The following CNKSR2 variants were observed in gnomAD, a reference collection of about 807,000 sequenced individuals.
CNKSR2 encodes the protein CNK homolog protein 2.
Under a neutral mutation model 84.4 loss-of-function variants are expected in CNKSR2, and 14 were observed. That is an observed-to-expected ratio of 0.17 (90% CI 0.11 to 0.26). The LOEUF (loss-of-function observed/expected upper bound fraction) is 0.26. CNKSR2 is among the 10% of genes least tolerant of loss of function. CNKSR2 has a pLI of 1.00. For synonymous variants in CNKSR2, 275 were observed against 277.9 expected (o/e 0.99, Z 0.10); for missense variants, 485 against 771.2 (o/e 0.63, Z 4.40).
intron 5 of CNKSR2, among the ~76,000 whole-genome samples, chrX:21,483,794 G>C (rs2147170867): frequency 9.1e-6 from 1 of 109,521 alleles, no homozygotes; most frequent in African/African-American, 3.3e-5. Context: ...AATCTGTCAA[G>C]TACTAAGATA....
chrX:21,418,779 C>G (rs1328380875), intron 1 of CNKSR2, among the ~76,000 whole-genome samples: 1 of 111,482 alleles, frequency 9.0e-6, no homozygotes, highest in South Asian at 3.7e-4. Context: ...TTAAAAGACT[C>G]TGATGCATTT....
At chrX:21,637,252 G>A (rs781219810) in intron 20 of CNKSR2, 29 of 111,591 alleles carry the variant, frequency 2.6e-4, no homozygotes, top group African/African-American at 8.8e-4. Flanking sequence ...AATACTCCAT[G>A]TCTTGTGATT....
chrX:21,617,859 G>T (rs1193086845), intron 20 of CNKSR2, among the ~76,000 whole-genome samples: 2 of 108,745 alleles, frequency 1.8e-5, no homozygotes, highest in East Asian at 5.9e-4. Flanking sequence ...AGAAAGAAAT[G>T]GCATTGGCTG....
chrX:21,536,764 T>G (rs1409365364), intron 11 of CNKSR2, among the ~76,000 whole-genome samples: 1 of 109,928 alleles, frequency 9.1e-6, no homozygotes, highest in African/African-American at 3.3e-5. Context: ...GTTCTTAGTC[T>G]GGCTAATAAT....
intron 9 of CNKSR2, among the ~76,000 whole-genome samples, chrX:21,520,522 T>A (rs1320662785): frequency 9.1e-6 from 1 of 110,461 alleles, no homozygotes; most frequent in Non-Finnish European, 1.9e-5. Flanking sequence ...AGGTATATTT[T>A]TAGATGTTTG....
chrX:21,571,269 G>A (rs2092282015), intron 13 of CNKSR2, among the ~76,000 whole-genome samples: 1 of 112,084 alleles, frequency 8.9e-6, no homozygotes, highest in Admixed American at 9.4e-5. Context: ...AATATTGTGA[G>A]AATTACCAAA....
chrX:21,637,766 A>C (rs982976380), intron 20 of CNKSR2, among the ~76,000 whole-genome samples: 2 of 111,847 alleles, frequency 1.8e-5, no homozygotes, highest in African/African-American at 6.5e-5. Flanking sequence ...TTGTTTTTGA[A>C]AAAGAAAAAC....
At position 21,374,722 on chromosome X, in the gene CNKSR2, G is replaced by C. The variant is rs1165841021; in HGVS notation, c.-176G>C. The C allele has an allele frequency of 2.0e-6, 1 of 510,373 alleles. No homozygotes were observed. Among genetic ancestry groups the C allele is most frequent in the Non-Finnish European group, 3.5e-6 (1 of 282,994 alleles). 42.1% of individuals were successfully genotyped at this position (510,373 alleles called of 1,213,427 possible). A position where few individuals can be genotyped will look rare whatever the true frequency, so the allele number is the denominator to read the frequency against. Reference sequence around the variant, plus strand: ...TTACCTCCCTGTCGCCGTTCCTGCCGGCGGTTGGCTAAAAGACGTTACAGC... The same window carrying C: ...TTACCTCCCTGTCGCCGTTCCTGCCCGCGGTTGGCTAAAAGACGTTACAGC... On this transcript the variant is annotated 5_prime_UTR_variant, in exon 1 of 22. Coordinates refer to ENST00000379510, the MANE Select transcript of CNKSR2 (RefSeq NM_014927.5).
At chrX:21,490,437 A>G (rs1021098364) in intron 5 of CNKSR2, 22 bp from the exon 6 acceptor site, 16 of 1,187,578 alleles carry the variant, frequency 1.3e-5, no homozygotes, top group Non-Finnish European at 1.7e-5. Flanking sequence ...TACCACAACT[A>G]TTTTTGTTTT....
intron 7 of CNKSR2, among the ~76,000 whole-genome samples, chrX:21,501,314 TTTTC>T (rs201808981): frequency 0.023 from 2,587 of 110,648 alleles, 35 homozygotes; most frequent in Non-Finnish European, 0.037. Context: ...TTATTAATTT[TTTTC>T]TTTCTATGTT....
Position 21,374,666 on chromosome X carries a change from G to T in CNKSR2, c.-232G>T. ...CCGCCGCCTTAGCGGGAACTGAGCA[G>T]ACCCGGCGCGGAGCCACGACTCCTG... On this transcript the variant is annotated 5_prime_UTR_variant, in exon 1 of 22. Transcript: ENST00000379510. 1 of 513,649 alleles carries T rather than the reference G, an allele frequency of 1.9e-6. No individual in the cohort carries two copies. The highest frequency in any genetic ancestry group is 3.5e-6 in the Non-Finnish European group (1 of 289,601). The allele number at this position is 513,649 out of a possible 1,213,427, so 42.3% of individuals were successfully genotyped here. A position where few individuals can be genotyped will look rare whatever the true frequency, so the allele number is the denominator to read the frequency against.
At chrX:21,400,370 TAAAAA>T (rs907280085) in intron 1 of CNKSR2, among the ~76,000 whole-genome samples, 1 of 110,951 alleles carries the variant, frequency 9.0e-6, no homozygotes, top group Non-Finnish European at 1.9e-5. Context: ...TTCTGATCAT[TAAAAA>T]AAGTCATACT....
At chrX:21,564,303 T>C (rs1024531947) in intron 13 of CNKSR2, among the ~76,000 whole-genome samples, 9 of 111,642 alleles carry the variant, frequency 8.1e-5, no homozygotes, top group African/African-American at 2.6e-4. Context: ...ACTTGCGTGA[T>C]CAAATCGGCC....
At chrX:21,377,536 G>T (rs984857848) in intron 1 of CNKSR2, among the ~76,000 whole-genome samples, 2 of 112,041 alleles carry the variant, frequency 1.8e-5, no homozygotes, top group African/African-American at 6.5e-5. Flanking sequence ...CAACTGCAAT[G>T]TGGGAGTTCT....
At chrX:21,553,577 A>G (rs1039012182) in intron 11 of CNKSR2, among the ~76,000 whole-genome samples, 2 of 110,195 alleles carry the variant, frequency 1.8e-5, no homozygotes, top group African/African-American at 6.6e-5. Context: ...TTTCATCTCT[A>G]CCTTTCTTGC....
At chrX:21,579,931 G>A (rs1004904698) in intron 13 of CNKSR2, among the ~76,000 whole-genome samples, 4 of 111,869 alleles carry the variant, frequency 3.6e-5, no homozygotes, top group South Asian at 3.7e-4. Context: ...CTGAGATTGC[G>A]TAAGTTGCCT....
chrX:21,494,629 G>T (rs1028689883), intron 6 of CNKSR2: 14 of 110,946 alleles, frequency 1.3e-4, no homozygotes, highest in African/African-American at 4.3e-4. Flanking sequence ...GGGAAGAGCT[G>T]TTACTAGTAA....
rs866947932 is a variant in CNKSR2, at chrX:21,647,100, C to T, written c.2693-1731C>T. ...TCCTCTAGGTGTTGAATATATTCAG[C>T]GATGGGCCAACAGAGAATTTAAAAG... is the stretch of plus-strand genomic sequence containing the variant. On this transcript the variant is annotated intron_variant, in intron 20 of 21. Coordinates refer to ENST00000379510, the MANE Select transcript of CNKSR2 (RefSeq NM_014927.5). 1.1e-4 allele frequency among the ~76,000 whole-genome samples: 12 copies of T among 111,806 alleles called. No individual in the cohort carries two copies. In the Admixed American group the frequency reaches 1.1e-3, roughly 11 times the overall value.
At position 21,501,546 on chromosome X, in the gene CNKSR2, C is replaced by T. The variant is rs745926391; in HGVS notation, c.768C>T (p.Ile256=). 1 of 1,171,992 alleles carries T rather than the reference C, an allele frequency of 8.5e-7. No homozygotes were observed. The highest frequency in any genetic ancestry group is 1.9e-5 in the South Asian group (1 of 52,232). The change falls in exon 8 of 22, where the codon ATC becomes ATT. Residue 256 remains isoleucine, a synonymous_variant. Coordinates refer to ENST00000379510, the MANE Select transcript of CNKSR2 (RefSeq NM_014927.5). ...CACCTGCAGATCGGTGCAAGAAAAT[C>T]CATGCTGGCGATGAAGTGATTCAAG... ...ENSPADRCKK[I]HAGDEVIQVN... is the part of the protein sequence containing the mutation.
Sources: gnomAD v4.1 joint callset for allele counts (sites outside exome capture counted in the v4.1 genomes callset) on GRCh38, gnomAD v4.1.1 for gene constraint, MANE v1.5 for transcripts, NCBI Gene and HGNC (gene_info 2026-07-23, HGNC 2026-07-21) for gene names.